Variants in PAM observed in about 807,000 individuals in gnomAD.
PAM encodes the protein peptidyl-glycine alpha-amidating monooxygenase.
PAM carries 72 observed loss-of-function variants against 122.1 expected under a neutral mutation model. That is an observed-to-expected ratio of 0.59 (90% CI 0.49 to 0.72). PAM has a LOEUF of 0.72. PAM is among the 30% of genes least tolerant of loss of function. The pLI is 0.00. For synonymous variants in PAM, 389 were observed against 404.4 expected (o/e 0.96, Z 0.46); for missense variants, 1,106 against 1,183.7 (o/e 0.93, Z 0.96).
chr5:102,759,083 A>C (rs986418740), intron 1 of PAM, among the ~76,000 whole-genome samples: 1 of 152,262 alleles, frequency 6.6e-6, no homozygotes, highest in Admixed American at 6.5e-5. Context: ...AGAGGGATGC[A>C]GATCTGTAAA....
intron 24 of PAM, among the ~76,000 whole-genome samples, chr5:103,027,523 C>G (rs890393751): frequency 4.6e-5 from 7 of 152,246 alleles, no homozygotes; most frequent in Non-Finnish European, 8.8e-5. Flanking sequence ...GGAGTTCTGT[C>G]TCCCCATAAG....
At chr5:103,018,435 G>T (rs556047856) in intron 22 of PAM, among the ~76,000 whole-genome samples, 142 of 152,276 alleles carry the variant, frequency 9.3e-4, no homozygotes, top group Middle Eastern at 3.4e-3. Flanking sequence ...TTTGTAGTCA[G>T]AACTATCCTT....
chr5:102,998,365 G>C (rs1389643159), intron 16 of PAM, among the ~76,000 whole-genome samples: 2 of 152,150 alleles, frequency 1.3e-5, no homozygotes, highest in African/African-American at 4.8e-5. Context: ...GAGAGGGGAA[G>C]ATGTGGAATT....
chr5:102,975,234 T>C (rs1767233613), intron 15 of PAM, among the ~76,000 whole-genome samples: 1 of 152,178 alleles, frequency 6.6e-6, no homozygotes, highest in Non-Finnish European at 1.5e-5. Context: ...GTAACGGATA[T>C]GCGTGCATGG....
chr5:102,996,761 G>T (rs1171345154), intron 16 of PAM, among the ~76,000 whole-genome samples: 3 of 152,016 alleles, frequency 2.0e-5, no homozygotes, highest in Non-Finnish European at 1.5e-5. Flanking sequence ...TAAATGAACT[G>T]GTCAGGCCTA....
At chr5:102,840,833 T>C (rs1168139585) in intron 1 of PAM, among the ~76,000 whole-genome samples, 1 of 152,152 alleles carries the variant, frequency 6.6e-6, no homozygotes, top group East Asian at 1.9e-4. Flanking sequence ...ACACATGGCT[T>C]CGTATATCTG....
At chr5:102,831,289 T>C (rs1775363937) in intron 1 of PAM, among the ~76,000 whole-genome samples, 1 of 152,190 alleles carries the variant, frequency 6.6e-6, no homozygotes, top group South Asian at 2.1e-4. Context: ...ATTTTTATTA[T>C]ATGCAAAGAA....
At chr5:102,913,576 A>T (rs943083113) in intron 4 of PAM, among the ~76,000 whole-genome samples, 1 of 151,950 alleles carries the variant, frequency 6.6e-6, no homozygotes, top group African/African-American at 2.4e-5. Flanking sequence ...GTGTTTTATG[A>T]TACTCAGCAC....
chr5:102,983,159 G>A (rs1038962777), intron 15 of PAM, among the ~76,000 whole-genome samples: 2 of 151,850 alleles, frequency 1.3e-5, no homozygotes, highest in African/African-American at 2.4e-5. Flanking sequence ...AAAATAACCC[G>A]GTAAGGCCAG....
rs565396437 is a variant in PAM at position 102,884,980 on chromosome 5, G to A, written c.211-16376G>A. 4.0e-5 allele frequency among the ~76,000 whole-genome samples: 6 copies of A among 151,870 alleles called. No homozygotes were observed. In the Middle Eastern group the frequency reaches 0.014, roughly 344 times the overall value. On this transcript the variant is annotated intron_variant, in intron 3 of 25. Coordinates refer to ENST00000438793, the MANE Select transcript of PAM (RefSeq NM_001177306.2). ...TGAAAACATTTGCCATGGCAACATC[G>A]ATTTACAAAGGGCAAATGATGTTTC... is the stretch of plus-strand genomic sequence containing the variant.
intron 3 of PAM, among the ~76,000 whole-genome samples, chr5:102,879,096 T>C (rs539232120): frequency 1.3e-5 from 2 of 151,852 alleles, no homozygotes; most frequent in East Asian, 3.9e-4. Flanking sequence ...ACCCAGCTAA[T>C]TTTTTGTATT....
intron 1 of PAM, among the ~76,000 whole-genome samples, chr5:102,819,380 A>G (rs1770950770): frequency 6.6e-6 from 1 of 152,058 alleles, no homozygotes; most frequent in African/African-American, 2.4e-5. Flanking sequence ...TGCTGGTGTG[A>G]TAATATGAAT....
At chr5:103,009,021 G>A (rs137998935) in intron 20 of PAM, among the ~76,000 whole-genome samples, 12 of 152,092 alleles carry the variant, frequency 7.9e-5, no homozygotes, top group African/African-American at 2.9e-4. Flanking sequence ...TTCAATGGTG[G>A]CTTAGCATTG....
chr5:102,759,584 A>T (rs553579386), intron 1 of PAM, among the ~76,000 whole-genome samples: 22 of 152,342 alleles, frequency 1.4e-4, no homozygotes, highest in African/African-American at 5.3e-4. Flanking sequence ...GAAATCTCCC[A>T]AATATGAACT....
At chr5:102,787,768 A>G (rs560013451) in intron 1 of PAM, among the ~76,000 whole-genome samples, 5 of 152,132 alleles carry the variant, frequency 3.3e-5, no homozygotes, top group Admixed American at 1.3e-4. Context: ...AGAGCATTTC[A>G]GAGAAAAAAA....
chr5:102,885,691 C>G (rs1021542943), intron 3 of PAM, among the ~76,000 whole-genome samples: 18 of 151,918 alleles, frequency 1.2e-4, no homozygotes, highest in African/African-American at 4.3e-4. Flanking sequence ...AGTTTATAGT[C>G]AAGAGCAAAA....
chr5:102,784,188 C>T (rs559330591), intron 1 of PAM, among the ~76,000 whole-genome samples: 17 of 151,380 alleles, frequency 1.1e-4, no homozygotes, highest in African/African-American at 3.6e-4. Context: ...CCACCGCGCC[C>T]GGCTGATCTA....
chr5:102,808,559 C>A (rs1228270215), intron 1 of PAM, among the ~76,000 whole-genome samples: 3 of 152,132 alleles, frequency 2.0e-5, no homozygotes, highest in South Asian at 2.1e-4. Flanking sequence ...ACAAGTGTCA[C>A]AGGGCAAGTA....
Position 102,762,190 on chromosome 5 carries a change from G to A in PAM, c.-374+6842G>A, listed in dbSNP as rs117776257. On this transcript the variant is annotated intron_variant, in intron 1 of 25. Transcript: ENST00000438793. The stretch of plus-strand genomic sequence containing the variant: ...TGAATCTGGTAAAGTCACTTGTTCA[G>A]TGTGCTTTCATTTTTCCTTTCTCTT... Among the ~76,000 whole-genome samples, 7 of 152,298 alleles carry A rather than the reference G, an allele frequency of 4.6e-5. No homozygotes were observed. In the East Asian group the frequency reaches 1.3e-3, roughly 29 times the overall value.
Sources: gnomAD v4.1 joint callset for allele counts (sites outside exome capture counted in the v4.1 genomes callset) on GRCh38, gnomAD v4.1.1 for gene constraint, MANE v1.5 for transcripts, NCBI Gene and HGNC (gene_info 2026-07-23, HGNC 2026-07-21) for gene names.